PEX3: variants seen among roughly 807,000 people sequenced by gnomAD.
PEX3 encodes the protein peroxisomal biogenesis factor 3.
In PEX3, 30 loss-of-function variants were observed where a neutral mutation model predicts 55.8. The ratio of observed to expected loss-of-function variants is 0.54; its 90% CI spans 0.40 to 0.73. The LOEUF (loss-of-function observed/expected upper bound fraction) is 0.73, where lower values mean the gene tolerates loss of function less well. Among genes scored for constraint, PEX3 ranks in the 30% least tolerant of loss-of-function variants. The pLI is 0.00. For missense variants in PEX3, 351 were observed against 432.8 expected (o/e 0.81, Z 1.68); for synonymous variants, 135 against 148.4 (o/e 0.91, Z 0.66).
In PEX3 at chr6:143,483,367, ACAGT is replaced by A. The variant is rs757763399; in HGVS notation, c.942-1782_942-1779del. On this transcript the variant is annotated intron_variant, in intron 10 of 11. Coordinates refer to ENST00000367591, the MANE Select transcript of PEX3 (RefSeq NM_003630.3). This position sits in a 1 kb window ranked among gnomAD's most constrained non-coding sequence, Gnocchi z 4.3. ...AATAGAAAAATTTAAACAAAAGTAGACAGTCAAGCAGTTTTCCTGAGGAAATAAT... is the reference window on the plus strand; with the variant it reads ...AATAGAAAAATTTAAACAAAAGTAGACAAGCAGTTTTCCTGAGGAAATAAT... Among the ~76,000 whole-genome samples the A allele has an allele frequency of 3.3e-5, 5 of 152,200 alleles. No homozygotes were observed. The highest frequency in any genetic ancestry group is 7.4e-5 in the Non-Finnish European group (5 of 68,026).
rs536785640 is a variant in PEX3 at position 143,466,208 on chromosome 6, A to G, written c.288-1914A>G. On this transcript the variant is annotated intron_variant, in intron 3 of 11. Coordinates refer to ENST00000367591, the MANE Select transcript of PEX3 (RefSeq NM_003630.3). This position sits in a 1 kb window ranked among gnomAD's most constrained non-coding sequence, Gnocchi z 5.4. ...GGTTTCACTTTCCAAGGTTTCAGTT[A>G]GCCATGACAACCATGGTCTAAAAAT... 2.0e-5 allele frequency among the ~76,000 whole-genome samples: 3 copies of G among 152,210 alleles called. No individual in the cohort carries two copies. In the East Asian group the frequency reaches 5.8e-4, roughly 29 times the overall value.
chr6:143,488,309 C>A lies in PEX3; in HGVS notation c.1039-834C>A, dbSNP rs998247654. On this transcript the variant is annotated intron_variant, in intron 11 of 11. Coordinates refer to ENST00000367591, the MANE Select transcript of PEX3 (RefSeq NM_003630.3). The surrounding 1 kb of genome is among the most constrained non-coding windows in gnomAD (Gnocchi z 4.9). ...TTCACAGACTGGTGAAGCCTATGGACCCCTTCTCAGAACAATATTTATAAG... is the reference window on the plus strand; with the variant it reads ...TTCACAGACTGGTGAAGCCTATGGAACCCTTCTCAGAACAATATTTATAAG... Among the ~76,000 whole-genome samples, 1 of 152,036 alleles carries A rather than the reference C, an allele frequency of 6.6e-6. No homozygotes were observed. The highest frequency in any genetic ancestry group is 1.5e-5 in the Non-Finnish European group (1 of 67,990).
In PEX3 at chr6:143,489,393, TA is replaced by T. The variant is rs1403462007; in HGVS notation, c.*168del. ...AATCAATTTATTTGGCATCTTAATATATTTTTTTAGATTCATCAACAGACCA... is the reference window on the plus strand; with the variant it reads ...AATCAATTTATTTGGCATCTTAATATTTTTTTTAGATTCATCAACAGACCA... On this transcript the variant is annotated 3_prime_UTR_variant, in exon 12 of 12. Coordinates refer to ENST00000367591, the MANE Select transcript of PEX3 (RefSeq NM_003630.3). This position sits in a 1 kb window ranked among gnomAD's most constrained non-coding sequence, Gnocchi z 5.5. 1.9e-5 allele frequency: 11 copies of T among 566,436 alleles called. No individual in the cohort carries two copies. The highest frequency in any genetic ancestry group is 7.6e-5 in the African/African-American group (4 of 52,754). 35.1% of individuals were successfully genotyped at this position (566,436 alleles called of 1,614,324 possible).
At position 143,451,440 on chromosome 6, in the gene PEX3, T is replaced by C. The variant is rs904841856; in HGVS notation, c.73+325T>C. On this transcript the variant is annotated intron_variant, in intron 1 of 11. Transcript: ENST00000367591. The surrounding 1 kb of genome is among the most constrained non-coding windows in gnomAD (Gnocchi z 4.1). ...TCTTACAGGAACTTTTTAAAAAAAATTCTGCTTTCCTGTGAGATTCTGCAT... is the reference window on the plus strand; with the variant it reads ...TCTTACAGGAACTTTTTAAAAAAAACTCTGCTTTCCTGTGAGATTCTGCAT... 6.6e-6 allele frequency among the ~76,000 whole-genome samples: 1 copy of C among 152,198 alleles called. No individual in the cohort carries two copies. Among genetic ancestry groups the C allele is most frequent in the Admixed American group, 6.5e-5 (1 of 15,282 alleles).
chr6:143,451,431 T>A lies in PEX3; in HGVS notation c.73+316T>A, dbSNP rs904695209. 2.0e-5 allele frequency among the ~76,000 whole-genome samples: 3 copies of A among 152,080 alleles called. No homozygotes were observed. Among genetic ancestry groups the A allele is most frequent in the East Asian group, 1.9e-4 (1 of 5,180 alleles). On this transcript the variant is annotated intron_variant, in intron 1 of 11. Transcript: ENST00000367591. The surrounding 1 kb of genome is among the most constrained non-coding windows in gnomAD (Gnocchi z 4.1). ...GCACCATTCTCTTACAGGAACTTTT[T>A]AAAAAAAATTCTGCTTTCCTGTGAG...
chr6:143,483,811 C>T lies in PEX3; in HGVS notation c.942-1341C>T, dbSNP rs1780276767. Among the ~76,000 whole-genome samples the T allele has an allele frequency of 6.6e-6, 1 of 152,064 alleles. No individual in the cohort carries two copies. The highest frequency in any genetic ancestry group is 6.6e-5 in the Admixed American group (1 of 15,228). On this transcript the variant is annotated intron_variant, in intron 10 of 11. Transcript: ENST00000367591. The surrounding 1 kb of genome is among the most constrained non-coding windows in gnomAD (Gnocchi z 4.3). ...TGTCCACTGTACACAAGACCTTTTA[C>T]TATGTGCTGGGACAATACAGTGCAT...
At chr6:143,474,080 A>G (rs1044965515) in intron 8 of PEX3, among the ~76,000 whole-genome samples, 1 of 152,012 alleles carries the variant, frequency 6.6e-6, no homozygotes, top group African/African-American at 2.4e-5. Context: ...TGCCTAAGCT[A>G]TGATCATGCC....
chr6:143,482,824 A>G lies in PEX3; in HGVS notation c.942-2328A>G, dbSNP rs1216394231. 6.6e-6 allele frequency among the ~76,000 whole-genome samples: 1 copy of G among 152,102 alleles called. No individual in the cohort carries two copies. The highest frequency in any genetic ancestry group is 1.5e-5 in the Non-Finnish European group (1 of 67,968). Reference sequence around the variant, plus strand: ...GTTTAAGCATTTAAATATACTAAGTAAAAACAAATATACTGATCGAAAACA... The same window carrying G: ...GTTTAAGCATTTAAATATACTAAGTGAAAACAAATATACTGATCGAAAACA... On this transcript the variant is annotated intron_variant, in intron 10 of 11. Transcript: ENST00000367591. The surrounding 1 kb of genome is among the most constrained non-coding windows in gnomAD (Gnocchi z 5.5).
At chr6:143,467,948 T>C (rs1013224747) in intron 3 of PEX3, among the ~76,000 whole-genome samples, 174 bp from the exon 4 acceptor site, 4 of 152,174 alleles carry the variant, frequency 2.6e-5, no homozygotes, top group Non-Finnish European at 5.9e-5. Context: ...GTGGTTGTTA[T>C]TGATTACTGG....
chr6:143,481,138 A>G (rs1780234323), intron 10 of PEX3, among the ~76,000 whole-genome samples: 1 of 119,262 alleles, frequency 8.4e-6, no homozygotes, highest in African/African-American at 4.0e-5. Flanking sequence ...AAACTAATAA[A>G]GGCTTTAATT....
In PEX3 at chr6:143,453,057, C is replaced by A. The variant is rs986470213; in HGVS notation, c.73+1942C>A. ...AGGTCTCAGAATTAGTGAAGGGGAA[C>A]TGGAATTCAAACCCAGGTGTGTTGG... On this transcript the variant is annotated intron_variant, in intron 1 of 11. Transcript: ENST00000367591. This position sits in a 1 kb window ranked among gnomAD's most constrained non-coding sequence, Gnocchi z 4.6. 6.6e-6 allele frequency among the ~76,000 whole-genome samples: 1 copy of A among 152,130 alleles called. No homozygotes were observed. Among genetic ancestry groups the A allele is most frequent in the Non-Finnish European group, 1.5e-5 (1 of 68,034 alleles).
chr6:143,484,609 C>T (rs1010587372), intron 10 of PEX3, among the ~76,000 whole-genome samples: 7 of 151,902 alleles, frequency 4.6e-5, no homozygotes, highest in African/African-American at 1.7e-4. Context: ...CTATTTTCAC[C>T]TATCAGATGT....
rs1466112519 is a variant in PEX3, at chr6:143,454,151, A to C, written c.73+3036A>C. ...TGCAAATCTTTTTAATGTTTGGCTTAATTGAAGAAAGCTGGATTCTCATCT... is the reference window on the plus strand; with the variant it reads ...TGCAAATCTTTTTAATGTTTGGCTTCATTGAAGAAAGCTGGATTCTCATCT... On this transcript the variant is annotated intron_variant, in intron 1 of 11. Coordinates refer to ENST00000367591, the MANE Select transcript of PEX3 (RefSeq NM_003630.3). The surrounding 1 kb of genome is among the most constrained non-coding windows in gnomAD (Gnocchi z 4.3). Among the ~76,000 whole-genome samples, 2 of 152,208 alleles carry C rather than the reference A, an allele frequency of 1.3e-5. No homozygotes were observed. The highest frequency in any genetic ancestry group is 2.9e-5 in the Non-Finnish European group (2 of 68,036).
intron 8 of PEX3, among the ~76,000 whole-genome samples, chr6:143,474,016 C>T (rs903982216): frequency 1.1e-4 from 16 of 151,970 alleles, no homozygotes; most frequent in Admixed American, 1.0e-3. Context: ...GTAGTCCTAA[C>T]TACTACTTAG....
chr6:143,468,806 C>CCCCT (rs1554281454), intron 4 of PEX3, among the ~76,000 whole-genome samples: 1 of 14,046 alleles, frequency 7.1e-5, no homozygotes, highest in Non-Finnish European at 1.6e-4. Context: ...TGCTATCCCC[C>CCCCT]CCCCCCCCAC....
At chr6:143,467,116 A>G (rs1468868970) in intron 3 of PEX3, among the ~76,000 whole-genome samples, 1 of 152,042 alleles carries the variant, frequency 6.6e-6, no homozygotes, top group African/African-American at 2.4e-5. Context: ...TTCACACACA[A>G]AGAATTGGAA....
At chr6:143,480,721 G>A (rs186150764) in intron 10 of PEX3, among the ~76,000 whole-genome samples, 1 of 152,082 alleles carries the variant, frequency 6.6e-6, no homozygotes, top group Non-Finnish European at 1.5e-5. Flanking sequence ...AGCCATCATA[G>A]TAAGTCAAGA....
Position 143,471,751 on chromosome 6 carries a change from A to G in PEX3, c.578+140A>G. On this transcript the variant is annotated intron_variant, in intron 7 of 11. Transcript: ENST00000367591. This position sits in a 1 kb window ranked among gnomAD's most constrained non-coding sequence, Gnocchi z 5.4. ...TAATAAAATCAGATACCATCCTAGG[A>G]TATTGCATTGTGGGATCCATTTTCT... 1 of 709,064 alleles carries G rather than the reference A, an allele frequency of 1.4e-6. No homozygotes were observed. The highest frequency in any genetic ancestry group is 2.5e-6 in the Non-Finnish European group (1 of 397,508). The allele number at this position is 709,064 out of a possible 1,614,324, so 43.9% of individuals were successfully genotyped here.
Position 143,451,132 on chromosome 6 carries a change from T to C in PEX3, c.73+17T>C, listed in dbSNP as rs1402389069. The C allele has an allele frequency of 6.4e-7, 1 of 1,573,910 alleles. No homozygotes were observed. The highest frequency in any genetic ancestry group is 8.7e-7 in the Non-Finnish European group (1 of 1,143,422). On this transcript the variant is annotated intron_variant, in intron 1 of 11. Coordinates refer to ENST00000367591, the MANE Select transcript of PEX3 (RefSeq NM_003630.3). The surrounding 1 kb of genome is among the most constrained non-coding windows in gnomAD (Gnocchi z 4.1). ...TCCTTGGAGGTGGGTGACAACGTGC[T>C]TGAAAGGGGGCATTGGGAGAAGGGG...
Sources: allele counts gnomAD v4.1 joint callset (sites outside exome capture counted in the v4.1 genomes callset), GRCh38; gene constraint gnomAD v4.1.1; non-coding constraint Gnocchi (gnomAD v3.1); transcripts MANE v1.5; gene names NCBI Gene and HGNC (gene_info 2026-07-23, HGNC 2026-07-21).